Variants in ADAM22 observed in about 807,000 individuals in gnomAD.
ADAM22 encodes disintegrin and metalloproteinase domain-containing protein 22.
A neutral mutation model predicts 144.6 loss-of-function variants in ADAM22; 65 were observed. The observed-to-expected ratio is 0.45, with a 90% CI of 0.37 to 0.55. The LOEUF (loss-of-function observed/expected upper bound fraction) is 0.55. Among genes scored for constraint, ADAM22 ranks in the 20% least tolerant of loss-of-function variants. ADAM22 has a pLI of 0.00. For missense variants in ADAM22, 974 were observed against 1,184.9 expected, an observed-to-expected ratio of 0.82 and a Z score of 2.61; for synonymous variants, 391 against 412.6, an observed-to-expected ratio of 0.95 and a Z score of 0.63.
At chr7:87,965,306 T>G (rs549697226) in intron 2 of ADAM22, among the ~76,000 whole-genome samples, 7 of 152,326 alleles carry the variant, frequency 4.6e-5, no homozygotes, top group African/African-American at 1.7e-4. Context: ...CTCTTCTTTT[T>G]TAGCAGGTAC....
intron 4 of ADAM22, among the ~76,000 whole-genome samples, chr7:88,079,624 T>A (rs1486172563): frequency 1.3e-5 from 2 of 152,142 alleles, no homozygotes; most frequent in Non-Finnish European, 2.9e-5. Context: ...GAGACACACA[T>A]AGGCTCAAAG....
intron 2 of ADAM22, among the ~76,000 whole-genome samples, chr7:87,949,827 G>A (rs1461855521): frequency 6.7e-6 from 1 of 149,226 alleles, no homozygotes; most frequent in Non-Finnish European, 1.5e-5. Flanking sequence ...GATTAATTAT[G>A]TTAATATAAA....
intron 14 of ADAM22, among the ~76,000 whole-genome samples, chr7:88,138,854 C>G (rs545340398): frequency 3.3e-5 from 5 of 152,148 alleles, no homozygotes; most frequent in South Asian, 2.1e-4. Flanking sequence ...GAACAATCCA[C>G]AAATGTTCAA....
Position 88,200,490 on chromosome 7 carries a change from C to T in ADAM22, c.*3999C>T, listed in dbSNP as rs2115584415. The T allele has an allele frequency of 6.6e-6, 1 of 152,354 alleles. No individual in the cohort carries two copies. Among genetic ancestry groups the T allele is most frequent in the South Asian group, 2.1e-4 (1 of 4,830 alleles). 9.4% of individuals were successfully genotyped at this position (152,354 alleles called of 1,614,324 possible). A position where few individuals can be genotyped will look rare whatever the true frequency, so the allele number is the denominator to read the frequency against. On this transcript the variant is annotated 3_prime_UTR_variant, in exon 32 of 32. Transcript: ENST00000413139. The stretch of plus-strand genomic sequence containing the variant: ...TGCTGCCACTGGATGCCCACATGGG[C>T]AGCGTGTTGTAAATATCACCCTACC...
chr7:88,052,495 G>A (rs142925304), intron 3 of ADAM22, among the ~76,000 whole-genome samples: 25 of 150,716 alleles, frequency 1.7e-4, no homozygotes, highest in African/African-American at 6.1e-4. Flanking sequence ...GCGAAACTGC[G>A]TCTGAAAAAA....
chr7:88,084,404 A>AT (rs1817836095), intron 4 of ADAM22, among the ~76,000 whole-genome samples: 1 of 152,044 alleles, frequency 6.6e-6, no homozygotes, highest in Non-Finnish European at 1.5e-5. Context: ...GTGGTGGTTT[A>AT]TTTTTCCCTT....
At chr7:87,965,722 T>C (rs1179389016) in intron 2 of ADAM22, among the ~76,000 whole-genome samples, 1 of 152,212 alleles carries the variant, frequency 6.6e-6, no homozygotes, top group African/African-American at 2.4e-5. Flanking sequence ...CCATTGATAT[T>C]ACAGAACTGG....
chr7:88,020,349 G>A (rs1797551260), intron 3 of ADAM22, among the ~76,000 whole-genome samples: 1 of 152,174 alleles, frequency 6.6e-6, no homozygotes, highest in African/African-American at 2.4e-5. Context: ...AACAAAATGG[G>A]TTTTTAAGTC....
At position 88,148,996 on chromosome 7, in the gene ADAM22, T is replaced by C; in HGVS notation, c.1505T>C (p.Val502Ala). ...KKCKFQPMGT[V>A]CREAVNDCDI... ...TTTTAGTTTCAGCCTATGGGCACTG[T>C]GTGCCGAGAAGCAGTAAATGATTGT... Residue 502 changes from valine to alanine, a missense_variant, in exon 18 of 32, where the codon GTG (valine) becomes GCG (alanine). Val to Ala is a moderately conservative substitution (Grantham distance 64, BLOSUM62 0). Coordinates refer to ENST00000413139, the MANE Select transcript of ADAM22 (RefSeq NM_001324418.2). 4 of 1,612,090 alleles carry C rather than the reference T, an allele frequency of 2.5e-6. No individual in the cohort carries two copies. Among genetic ancestry groups the C allele is most frequent in the Non-Finnish European group, 3.4e-6 (4 of 1,178,612 alleles).
At chr7:88,067,083 G>GT (rs1232834411) in intron 3 of ADAM22, among the ~76,000 whole-genome samples, 2 of 152,144 alleles carry the variant, frequency 1.3e-5, no homozygotes, top group Admixed American at 1.3e-4. Flanking sequence ...AAATTTTGAA[G>GT]TAAGTCTGGC....
At position 87,955,516 on chromosome 7, in the gene ADAM22, C is replaced by T. The variant is rs577281516; in HGVS notation, c.246+20330C>T. On this transcript the variant is annotated intron_variant, in intron 2 of 31. Transcript: ENST00000413139. ...GGAAGTTTTGTCTCAGAGGAGTACCCGGCCGTGTGAGGTGTCAGTCTGCCC... is the reference window on the plus strand; with the variant it reads ...GGAAGTTTTGTCTCAGAGGAGTACCTGGCCGTGTGAGGTGTCAGTCTGCCC... 4.1e-4 allele frequency among the ~76,000 whole-genome samples: 62 copies of T among 152,260 alleles called. No homozygotes were observed. The South Asian group carries it at 9.7e-3, about 24-fold the overall frequency.
chr7:88,171,495 G>T (rs199773117), intron 25 of ADAM22, 49 bp from the exon 26 acceptor site: 1 of 1,513,284 alleles, frequency 6.6e-7, no homozygotes, highest in Non-Finnish European at 8.9e-7. Flanking sequence ...CCTTCCAGAG[G>T]TAACTAACTC....
intron 3 of ADAM22, among the ~76,000 whole-genome samples, chr7:88,036,895 A>G (rs554304064): frequency 3.9e-5 from 6 of 152,190 alleles, no homozygotes; most frequent in African/African-American, 1.4e-4. Context: ...TCCTTTCCCA[A>G]TGAGAATATA....
intron 4 of ADAM22, among the ~76,000 whole-genome samples, chr7:88,103,394 T>A (rs1021236566): frequency 3.9e-5 from 6 of 152,194 alleles, no homozygotes; most frequent in Non-Finnish European, 5.9e-5. Context: ...CTTTGAATTT[T>A]ATAAATAAAT....
chr7:88,017,478 ATACT>A (rs200148657), intron 3 of ADAM22, among the ~76,000 whole-genome samples: 1,677 of 152,304 alleles, frequency 0.011, 22 homozygotes, highest in African/African-American at 0.038. Flanking sequence ...GTTACCTTAA[ATACT>A]TACTCTCTCT....
intron 21 of ADAM22, 48 bp downstream of exon 21, chr7:88,153,374 G>A: frequency 1.3e-6 from 2 of 1,512,452 alleles, no homozygotes; most frequent in South Asian, 2.4e-5. Flanking sequence ...TCAATTACAA[G>A]TGTACTTTTT....
intron 4 of ADAM22, among the ~76,000 whole-genome samples, chr7:88,107,328 A>C (rs1019455962): frequency 6.7e-6 from 1 of 149,852 alleles, no homozygotes; most frequent in Non-Finnish European, 1.5e-5. Context: ...CAGCCTCCCG[A>C]GTAACTGGGA....
At chr7:88,007,139 C>G (rs1299241904) in intron 3 of ADAM22, among the ~76,000 whole-genome samples, 2 of 152,068 alleles carry the variant, frequency 1.3e-5, no homozygotes, top group Non-Finnish European at 2.9e-5. Flanking sequence ...GAGTGAACTC[C>G]CATTTACAAT....
At chr7:87,987,439 A>G (rs1788749616) in intron 3 of ADAM22, among the ~76,000 whole-genome samples, 1 of 152,116 alleles carries the variant, frequency 6.6e-6, no homozygotes, top group Non-Finnish European at 1.5e-5. Context: ...TCTGCCTCCC[A>G]AAGTGCTGGG....
Sources: allele counts gnomAD v4.1 joint callset (sites outside exome capture counted in the v4.1 genomes callset), GRCh38; gene constraint gnomAD v4.1.1; transcripts MANE v1.5; gene names NCBI Gene and HGNC (gene_info 2026-07-23, HGNC 2026-07-21).